OTOG: variants seen among roughly 807,000 people sequenced by gnomAD.
OTOG encodes otogelin.
In OTOG, 296 loss-of-function variants were observed where a neutral mutation model predicts 313.8. The ratio of observed to expected loss-of-function variants is 0.94; its 90% confidence interval spans 0.86 to 1.04. OTOG has a LOEUF of 1.04. OTOG is among the 50% of genes least tolerant of loss of function. The pLI is 0.00. For synonymous variants in OTOG, 1,533 were observed against 1,554.9 expected, an observed-to-expected ratio of 0.99 and a Z score of 0.33; for missense variants, 3,948 against 3,840.1, an observed-to-expected ratio of 1.03 and a Z score of -0.74.
intron 28 of OTOG, among the ~76,000 whole-genome samples, chr11:17,594,900 G>T (rs1352032592): frequency 1.3e-5 from 2 of 152,220 alleles, no homozygotes; most frequent in Admixed American, 6.5e-5. Flanking sequence ...AAAACAGACT[G>T]CTTGGGAGCT....
intron 21 of OTOG, 75 bp from the exon 22 acceptor site, chr11:17,576,793 G>A: frequency 1.3e-6 from 2 of 1,521,884 alleles, no homozygotes; most frequent in South Asian, 1.2e-5. Context: ...GCAGTGACCC[G>A]AGTGCAGCAA....
Position 17,598,324 on chromosome 11 carries a change from A to G in OTOG, c.3682+1317A>G, listed in dbSNP as rs187912049. On this transcript the variant is annotated intron_variant, in intron 30 of 55. Transcript: ENST00000399397. ...TGATGAACAAACTATCAAAGGATCA[A>G]TAGTATTAATGTTTCCTTTTGTCTC... 1.9e-3 allele frequency among the ~76,000 whole-genome samples: 295 copies of G among 152,306 alleles called. 1 individual carries two copies. The highest frequency in any genetic ancestry group is 6.0e-3 in the African/African-American group (249 of 41,556).
rs200809116 is a variant in OTOG at position 17,640,804 on chromosome 11, C to A, written c.7995C>A (p.Cys2665Ter). 6.5e-7 allele frequency: 1 copy of A among 1,550,310 alleles called. No individual in the cohort carries two copies. Among genetic ancestry groups the A allele is most frequent in the Non-Finnish European group, 8.7e-7 (1 of 1,147,004 alleles). Residue 2665 changes from cysteine to a stop codon, truncating the protein, a stop_gained, in exon 50 of 56, where the codon TGC (cysteine) becomes TGA (stop). Coordinates refer to ENST00000399397, the MANE Select transcript of OTOG (RefSeq NM_001292063.2). LOFTEE classifies it high-confidence loss of function. ...FMHSVENVCG[C>*]AKYECVKAPV... Reference sequence around the variant, plus strand: ...ACAGCGTGGAGAATGTGTGTGGCTGCGCCAAGTACGAGTGTGGTGAGTGGG... The same window carrying A: ...ACAGCGTGGAGAATGTGTGTGGCTGAGCCAAGTACGAGTGTGGTGAGTGGG...
At chr11:17,577,170 A>C (rs1323860086) in intron 22 of OTOG, among the ~76,000 whole-genome samples, 1 of 152,172 alleles carries the variant, frequency 6.6e-6, no homozygotes, top group Non-Finnish European at 1.5e-5. Context: ...CCTTCAGGGC[A>C]ATGATCTGGG....
chr11:17,609,380 GC>G (rs1853468023), intron 35 of OTOG, among the ~76,000 whole-genome samples, 171 bp downstream of exon 35: 1 of 152,072 alleles, frequency 6.6e-6, no homozygotes, highest in Admixed American at 6.5e-5. Context: ...CGGTCTATTC[GC>G]CCCATTTCAC....
At chr11:17,597,054 CTGT>C (rs1158565355) in intron 30 of OTOG, 47 bp downstream of exon 30, 1 of 1,540,362 alleles carries the variant, frequency 6.5e-7, no homozygotes. Flanking sequence ...AGAGTGTCAC[CTGT>C]GGGCATGCCC....
Position 17,574,816 on chromosome 11 carries a change from A to G in OTOG, c.2390A>G (p.Asp797Gly). The G allele has an allele frequency of 6.4e-7, 1 of 1,550,422 alleles. No individual in the cohort carries two copies. The highest frequency in any genetic ancestry group is 8.7e-7 in the Non-Finnish European group (1 of 1,146,894). ...DLASPEACGV[D>G]GGDDLSRDEC... Reference sequence around the variant, plus strand: ...GCCAGCCCTGAGGCCTGTGGGGTTGATGGTGGCGATGACCTGAGCAGAGAC... The same window carrying G: ...GCCAGCCCTGAGGCCTGTGGGGTTGGTGGTGGCGATGACCTGAGCAGAGAC... Residue 797 changes from aspartate to glycine, a missense_variant, in exon 20 of 56, where the codon GAT (aspartate) becomes GGT (glycine). Asp to Gly is a moderately conservative substitution (Grantham distance 94, BLOSUM62 -1). Coordinates refer to ENST00000399397, the MANE Select transcript of OTOG (RefSeq NM_001292063.2).
chr11:17,608,184 T>A, intron 33 of OTOG, 112 bp from the exon 34 acceptor site: 1 of 687,220 alleles, frequency 1.5e-6, no homozygotes, highest in East Asian at 3.2e-5. Context: ...CCATTTGCTT[T>A]CCCTGCATGG....
In OTOG at chr11:17,645,790, A is replaced by G. The variant is rs1186247787; in HGVS notation, c.8588A>G (p.Tyr2863Cys). ...GGGAGGTGCCCATCCGCCAGCATCT[A>G]CAACTACAACATCAACACCTATGCC... Reference protein sequence around the residue: ...CDGRCPSASIYNYNINTYARF... With the variant: ...CDGRCPSASICNYNINTYARF... The change falls in exon 56 of 56, where the codon TAC becomes TGC. Residue 2863 changes from tyrosine to cysteine, a missense_variant. By Grantham distance (194) the Tyr-to-Cys change is radical. Coordinates refer to ENST00000399397, the MANE Select transcript of OTOG (RefSeq NM_001292063.2). 1.9e-6 allele frequency: 3 copies of G among 1,550,972 alleles called. No homozygotes were observed. In the African/African-American group the frequency reaches 4.1e-5, roughly 21 times the overall value.
chr11:17,574,418 C>A (rs568695997), intron 19 of OTOG, among the ~76,000 whole-genome samples: 1 of 152,226 alleles, frequency 6.6e-6, no homozygotes, highest in South Asian at 2.1e-4. Context: ...TCTACCCCTT[C>A]CCCAATGTCA....
chr11:17,595,678 A>G (rs1413239491), intron 28 of OTOG, among the ~76,000 whole-genome samples: 1 of 152,190 alleles, frequency 6.6e-6, no homozygotes, highest in Admixed American at 6.5e-5. Context: ...GCTTTTGGCC[A>G]GAGACCACCC....
At chr11:17,636,004 C>T (rs1027901668) in intron 47 of OTOG, among the ~76,000 whole-genome samples, 3 of 152,238 alleles carry the variant, frequency 2.0e-5, no homozygotes, top group Admixed American at 6.5e-5. Flanking sequence ...TCCCCCACAG[C>T]ACTGATAAGA....
At chr11:17,614,728 C>G (rs1166943756) in intron 39 of OTOG, among the ~76,000 whole-genome samples, 1 of 152,140 alleles carries the variant, frequency 6.6e-6, no homozygotes, top group Non-Finnish European at 1.5e-5. Flanking sequence ...GTAGTTCAAT[C>G]CTTTTTATTG....
chr11:17,635,260 G>C, intron 46 of OTOG, 73 bp downstream of exon 46: 2 of 1,269,232 alleles, frequency 1.6e-6, no homozygotes, highest in South Asian at 2.8e-5. Context: ...TGTGTCCTTG[G>C]GCAGCTGGGA....
At chr11:17,645,434 C>G in intron 54 of OTOG, 130 bp from the exon 55 acceptor site, 1 of 821,462 alleles carries the variant, frequency 1.2e-6, no homozygotes, top group Non-Finnish European at 1.9e-6. Context: ...GGGAGGGGCA[C>G]TAATGCATGG....
chr11:17,574,177 G>A (rs1024591478), intron 19 of OTOG, among the ~76,000 whole-genome samples: 2 of 152,158 alleles, frequency 1.3e-5, no homozygotes, highest in Admixed American at 1.3e-4. Context: ...GGAGACTCTG[G>A]GGGGAGTGGG....
intron 20 of OTOG, 113 bp downstream of exon 20, chr11:17,575,025 C>T: frequency 9.2e-7 from 1 of 1,089,364 alleles, no homozygotes; most frequent in African/African-American, 1.6e-5. Flanking sequence ...CTTCCCCTCA[C>T]AGTTGCAGGC....
intron 4 of OTOG, among the ~76,000 whole-genome samples, chr11:17,552,525 T>C (rs1851958053): frequency 5.5e-5 from 7 of 126,172 alleles, no homozygotes; most frequent in Admixed American, 1.5e-4. Context: ...TGTCTGTTCC[T>C]ACCTCCCCCA....
intron 17 of OTOG, 98 bp from the exon 18 acceptor site, chr11:17,571,982 G>T: frequency 6.8e-7 from 1 of 1,464,566 alleles, no homozygotes; most frequent in Non-Finnish European, 9.2e-7. Flanking sequence ...GACTATGTGT[G>T]TGTATATGAG....
Sources: gnomAD v4.1 joint callset for allele counts (sites outside exome capture counted in the v4.1 genomes callset) on GRCh38, gnomAD v4.1.1 for gene constraint, MANE v1.5 for transcripts, NCBI Gene and HGNC (gene_info 2026-07-23, HGNC 2026-07-21) for gene names.